MTUS2: variants seen among roughly 807,000 people sequenced by gnomAD.
MTUS2 encodes microtubule-associated tumor suppressor candidate 2.
MTUS2 carries 40 observed loss-of-function variants against 114.1 expected under a neutral mutation model. That is an observed-to-expected ratio of 0.35 (90% CI 0.27 to 0.46). MTUS2 has a LOEUF of 0.46. MTUS2 is among the 20% of genes least tolerant of loss of function. The pLI, the probability that MTUS2 is intolerant of heterozygous loss-of-function variation, is 1.00. For missense variants in MTUS2, 1,679 were observed against 1,705.4 expected, an observed-to-expected ratio of 0.98 and a Z score of 0.27; for synonymous variants, 688 against 672.0, an observed-to-expected ratio of 1.02 and a Z score of -0.37.
intron 4 of MTUS2, among the ~76,000 whole-genome samples, chr13:29,058,947 C>G (rs771658711): frequency 7.9e-5 from 12 of 152,068 alleles, no homozygotes; most frequent in Non-Finnish European, 1.5e-4. Context: ...GCCATTTCAT[C>G]TTTTATTTCC....
At chr13:29,491,868 ATGTG>A (rs1455112234) in intron 11 of MTUS2, among the ~76,000 whole-genome samples, 3 of 96,160 alleles carry the variant, frequency 3.1e-5, no homozygotes, top group Admixed American at 1.1e-4. Context: ...CATGTATGTG[ATGTG>A]TGTGTGGTGG....
At chr13:29,220,166 TTTTG>T (rs1049314667) in intron 5 of MTUS2, among the ~76,000 whole-genome samples, 1 of 151,972 alleles carries the variant, frequency 6.6e-6, no homozygotes, top group Non-Finnish European at 1.5e-5. Context: ...CAGCTGACTT[TTTTG>T]TTTTTTTTTA....
chr13:29,394,397 C>T (rs1447982349), intron 8 of MTUS2, among the ~76,000 whole-genome samples: 1 of 152,004 alleles, frequency 6.6e-6, no homozygotes, highest in East Asian at 1.9e-4. Flanking sequence ...GGACGATTGG[C>T]AATTGGTTGA....
chr13:29,116,753 G>T (rs571441931), intron 5 of MTUS2, among the ~76,000 whole-genome samples: 2 of 152,282 alleles, frequency 1.3e-5, no homozygotes, highest in African/African-American at 4.8e-5. Context: ...ACTCAGGGTA[G>T]GTAGGCAGGG....
At chr13:29,075,770 G>T (rs1393483375) in intron 4 of MTUS2, among the ~76,000 whole-genome samples, 1 of 152,098 alleles carries the variant, frequency 6.6e-6, no homozygotes, top group African/African-American at 2.4e-5. Flanking sequence ...TTCACCATTA[G>T]ACCATATTTT....
intron 5 of MTUS2, among the ~76,000 whole-genome samples, chr13:29,236,300 T>G (rs1382832135): frequency 6.6e-6 from 1 of 152,214 alleles, no homozygotes. Context: ...AATATTGTCT[T>G]GTATTCGATA....
chr13:29,053,401 G>A (rs1417876906), intron 4 of MTUS2, among the ~76,000 whole-genome samples: 2 of 152,152 alleles, frequency 1.3e-5, no homozygotes, highest in East Asian at 1.9e-4. Context: ...AGATGACAGA[G>A]CATTGCCATT....
chr13:29,328,783 T>C (rs1157860639), intron 7 of MTUS2, among the ~76,000 whole-genome samples: 2 of 152,138 alleles, frequency 1.3e-5, no homozygotes, highest in African/African-American at 4.8e-5. Context: ...CTTTGCAGGG[T>C]CATTTTAGTC....
intron 2 of MTUS2, among the ~76,000 whole-genome samples, chr13:28,962,101 GA>G (rs1367852652): frequency 1.3e-5 from 2 of 151,240 alleles, no homozygotes; most frequent in African/African-American, 4.8e-5. Context: ...CATATAAAAT[GA>G]AGATATTTAA....
At chr13:29,416,666 T>C (rs147256636) in intron 8 of MTUS2, among the ~76,000 whole-genome samples, 23 of 152,314 alleles carry the variant, frequency 1.5e-4, no homozygotes, top group Non-Finnish European at 2.6e-4. Flanking sequence ...GCCAGTAGCC[T>C]TGATACTTGG....
rs1869992361 is a variant in MTUS2 at position 29,358,957 on chromosome 13, A to AC, written c.2906-305_2906-304insC. ...TTGTCAAAGAGTAATCTCCTTTAAG[A>AC]AAAAAAAAAAAAAAGCTTCTCTCTC... On this transcript the variant is annotated intron_variant, in intron 7 of 15. Transcript: ENST00000612955. 5.2e-3 allele frequency among the ~76,000 whole-genome samples: 8 copies of AC among 1,532 alleles called. No individual in the cohort carries two copies. The South Asian group carries it at 0.36, about 70-fold the overall frequency. The allele number at this position is 1,532 out of a possible 152,430, so 1.0% of individuals were successfully genotyped here.
chr13:29,303,642 G>C (rs954794091), intron 6 of MTUS2, among the ~76,000 whole-genome samples: 1 of 152,192 alleles, frequency 6.6e-6, no homozygotes, highest in African/African-American at 2.4e-5. Flanking sequence ...ATTATGTAAA[G>C]AGAGAAAACC....
At chr13:28,934,667 G>C (rs1881796173) in intron 2 of MTUS2, among the ~76,000 whole-genome samples, 1 of 152,120 alleles carries the variant, frequency 6.6e-6, no homozygotes, top group African/African-American at 2.4e-5. Flanking sequence ...GGGATTATAG[G>C]CATGTGCCAC....
At chr13:28,993,182 A>G (rs1884938546) in intron 2 of MTUS2, among the ~76,000 whole-genome samples, 3 of 152,208 alleles carry the variant, frequency 2.0e-5, no homozygotes, top group Admixed American at 2.0e-4. Context: ...ATTGTGACTA[A>G]TGCTGCTGTA....
chr13:29,014,981 G>T (rs1280026482), intron 2 of MTUS2, among the ~76,000 whole-genome samples: 2 of 152,212 alleles, frequency 1.3e-5, no homozygotes, highest in Non-Finnish European at 2.9e-5. Flanking sequence ...TGGACACAGT[G>T]CCCGGGATGA....
At chr13:29,436,949 T>G (rs973039664) in intron 8 of MTUS2, among the ~76,000 whole-genome samples, 2 of 152,122 alleles carry the variant, frequency 1.3e-5, no homozygotes, top group African/African-American at 2.4e-5. Flanking sequence ...GTGATACAAG[T>G]CTGAAGGTCT....
At position 29,395,448 on chromosome 13, in the gene MTUS2, G is replaced by A. The variant is rs887960892; in HGVS notation, c.3117+35975G>A. On this transcript the variant is annotated intron_variant, in intron 8 of 15. Transcript: ENST00000612955. ...GTAAAGGGAAAGAGGAATCAGAGAC[G>A]TCTCCTTGATTGTCAGTCTGCACAG... Among the ~76,000 whole-genome samples, 10 of 152,310 alleles carry A rather than the reference G, an allele frequency of 6.6e-5. 1 individual carries two copies. In the South Asian group the frequency reaches 1.2e-3, roughly 19 times the overall value.
chr13:29,323,333 G>A (rs1434269615), intron 6 of MTUS2, among the ~76,000 whole-genome samples: 2 of 151,436 alleles, frequency 1.3e-5, no homozygotes, highest in Middle Eastern at 3.4e-3. Flanking sequence ...CACTGCAAGC[G>A]CCACCTCCTG....
intron 2 of MTUS2, among the ~76,000 whole-genome samples, chr13:28,854,630 A>G (rs1340904020): frequency 6.6e-6 from 1 of 152,176 alleles, no homozygotes; most frequent in East Asian, 1.9e-4. Context: ...AAAATAATAT[A>G]TACCCGCCCA....
Sources: allele counts gnomAD v4.1 joint callset (sites outside exome capture counted in the v4.1 genomes callset), GRCh38; gene constraint gnomAD v4.1.1; transcripts MANE v1.5; gene names NCBI Gene and HGNC (gene_info 2026-07-23, HGNC 2026-07-21).